AKT3: variants seen among roughly 807,000 people sequenced by gnomAD.
The protein encoded by AKT3 is AKT serine/threonine kinase 3.
AKT3 carries 15 observed loss-of-function variants against 65.3 expected under a neutral mutation model. The ratio of observed to expected loss-of-function variants is 0.23; its 90% CI spans 0.15 to 0.35. The LOEUF (loss-of-function observed/expected upper bound fraction) is 0.35. Ranked by LOEUF, AKT3 falls within the 10% of genes least tolerant of loss-of-function variation. AKT3 has a pLI of 1.00. For synonymous variants in AKT3, 206 were observed against 183.8 expected, an observed-to-expected ratio of 1.12 and a Z score of -0.98; for missense variants, 243 against 576.5, an observed-to-expected ratio of 0.42 and a Z score of 5.92.
intron 10 of AKT3, among the ~76,000 whole-genome samples, chr1:243,554,040 C>A (rs1673250765): frequency 6.6e-6 from 1 of 152,134 alleles, no homozygotes; most frequent in Non-Finnish European, 1.5e-5. Context: ...TCCAAACTTT[C>A]TTGCTTCGAA....
At chr1:243,707,189 A>G (rs1685856500) in intron 2 of AKT3, among the ~76,000 whole-genome samples, 1 of 152,216 alleles carries the variant, frequency 6.6e-6, no homozygotes, top group Admixed American at 6.5e-5. Context: ...TGAGTACCTA[A>G]TATGTACAAT....
intron 4 of AKT3, among the ~76,000 whole-genome samples, chr1:243,659,088 T>G (rs1227954568): frequency 6.6e-6 from 1 of 151,960 alleles, no homozygotes; most frequent in Non-Finnish European, 1.5e-5. Flanking sequence ...TTATTCAGCC[T>G]TAAAAAAGAA....
chr1:243,651,495 GT>G (rs1236227144), intron 4 of AKT3, among the ~76,000 whole-genome samples: 1 of 152,142 alleles, frequency 6.6e-6, no homozygotes, highest in Non-Finnish European at 1.5e-5. Context: ...AATGCTTCCA[GT>G]TTTTGCCCAT....
At chr1:243,759,031 G>A (rs1689325313) in intron 2 of AKT3, among the ~76,000 whole-genome samples, 1 of 152,166 alleles carries the variant, frequency 6.6e-6, no homozygotes. Flanking sequence ...CTGAAAAACA[G>A]AATAAAGGGA....
chr1:243,615,073 A>T (rs1678194632), intron 7 of AKT3, 23 bp downstream of exon 7: 2 of 1,496,190 alleles, frequency 1.3e-6, no homozygotes, highest in Non-Finnish European at 1.8e-6. Flanking sequence ...TACGATTATA[A>T]CATCTGTCCT....
intron 8 of AKT3, among the ~76,000 whole-genome samples, chr1:243,590,566 C>T (rs1001702520): frequency 2.0e-5 from 3 of 151,990 alleles, no homozygotes; most frequent in Non-Finnish European, 2.9e-5. Context: ...TAGATACTGA[C>T]TTCAAAATAG....
At position 243,637,544 on chromosome 1, in the gene AKT3, C is replaced by A. The variant is rs568907511; in HGVS notation, c.561+67G>T. On this transcript the variant is annotated intron_variant, in intron 6 of 13. Transcript: ENST00000673466. Reference sequence around the variant, plus strand: ...ATTTGCATACATTAGCATGTAAATTCATGAGCCCACAAACACATGCACACT... The same window carrying A: ...ATTTGCATACATTAGCATGTAAATTAATGAGCCCACAAACACATGCACACT... 5 of 1,364,492 alleles carry A rather than the reference C, an allele frequency of 3.7e-6. No homozygotes were observed. The South Asian group carries it at 6.6e-5, about 18-fold the overall frequency. 84.5% of individuals were successfully genotyped at this position (1,364,492 alleles called of 1,614,324 possible). A position where few individuals can be genotyped will look rare whatever the true frequency, so the allele number is the denominator to read the frequency against.
intron 6 of AKT3, among the ~76,000 whole-genome samples, chr1:243,635,405 G>C (rs192126538): frequency 9.6e-4 from 146 of 151,536 alleles, no homozygotes; most frequent in African/African-American, 2.2e-3. Context: ...AAAGCAAGCA[G>C]TAGGAAAAAA....
intron 2 of AKT3, among the ~76,000 whole-genome samples, chr1:243,806,222 C>T (rs1251907128): frequency 6.6e-6 from 1 of 152,142 alleles, no homozygotes; most frequent in Non-Finnish European, 1.5e-5. Flanking sequence ...TACTATAGCA[C>T]TTTTTAAATG....
At chr1:243,681,981 A>G (rs545622559) in intron 3 of AKT3, among the ~76,000 whole-genome samples, 5 of 152,264 alleles carry the variant, frequency 3.3e-5, no homozygotes, top group South Asian at 2.1e-4. Context: ...TATTAATTAT[A>G]AAATGAGATT....
intron 2 of AKT3, among the ~76,000 whole-genome samples, chr1:243,825,076 A>G (rs1694087917): frequency 6.6e-6 from 1 of 152,248 alleles, no homozygotes. Context: ...ATAGCCATAA[A>G]AAGGAACAAG....
chr1:243,595,696 T>C lies in AKT3; in HGVS notation c.696+17975A>G, dbSNP rs114543671. Among the ~76,000 whole-genome samples the C allele has an allele frequency of 8.9e-3, 1,358 of 152,328 alleles. 9 individuals are homozygous for C. Among genetic ancestry groups the C allele is most frequent in the South Asian group, 0.016 (76 of 4,828 alleles). On this transcript the variant is annotated intron_variant, in intron 8 of 13. Transcript: ENST00000673466. Reference sequence around the variant, plus strand: ...ACACAGTCAGGATCATCAGTATCACTGTCTTCCACCTCCACATCCTGTCCC... The same window carrying C: ...ACACAGTCAGGATCATCAGTATCACCGTCTTCCACCTCCACATCCTGTCCC...
At chr1:243,573,467 C>T (rs1274105218) in intron 8 of AKT3, among the ~76,000 whole-genome samples, 1 of 152,126 alleles carries the variant, frequency 6.6e-6, no homozygotes, top group Non-Finnish European at 1.5e-5. Context: ...ACAAGACTGT[C>T]AATTTGCTGA....
chr1:243,820,149 G>C (rs966088149), intron 2 of AKT3, among the ~76,000 whole-genome samples: 7 of 152,132 alleles, frequency 4.6e-5, no homozygotes, highest in African/African-American at 1.7e-4. Flanking sequence ...TCGATCTCCT[G>C]ATCTCATGAT....
At chr1:243,766,175 T>C (rs1689805124) in intron 2 of AKT3, among the ~76,000 whole-genome samples, 1 of 152,134 alleles carries the variant, frequency 6.6e-6, no homozygotes. Context: ...GAGCAAAGGC[T>C]TAAGGTTTGT....
intron 2 of AKT3, among the ~76,000 whole-genome samples, chr1:243,824,789 C>T (rs762762492): frequency 3.9e-5 from 6 of 152,164 alleles, no homozygotes; most frequent in Non-Finnish European, 8.8e-5. Flanking sequence ...AAGAGGAACA[C>T]TTTTACACCA....
chr1:243,827,885 T>C (rs752373461), intron 2 of AKT3, among the ~76,000 whole-genome samples: 1 of 152,116 alleles, frequency 6.6e-6, no homozygotes, highest in Non-Finnish European at 1.5e-5. Context: ...GAGTACAACA[T>C]GAAGGTCAGT....
chr1:243,711,855 C>CT (rs1222439095), intron 2 of AKT3, among the ~76,000 whole-genome samples: 1 of 152,062 alleles, frequency 6.6e-6, no homozygotes. Flanking sequence ...GACATTCTGC[C>CT]TTTAATATTT....
chr1:243,711,148 G>A (rs972417054), intron 2 of AKT3, among the ~76,000 whole-genome samples: 1 of 152,006 alleles, frequency 6.6e-6, no homozygotes, highest in East Asian at 1.9e-4. Context: ...GTGAAACCCC[G>A]TCTCTACTAA....
Sources: gnomAD v4.1 joint callset for allele counts (sites outside exome capture counted in the v4.1 genomes callset) on GRCh38, gnomAD v4.1.1 for gene constraint, MANE v1.5 for transcripts, NCBI Gene and HGNC (gene_info 2026-07-23, HGNC 2026-07-21) for gene names.